Variants in MRPL30 observed in about 807,000 individuals in gnomAD.
The protein encoded by MRPL30 is large ribosomal subunit protein uL30m.
Under a neutral mutation model 17.2 loss-of-function variants are expected in MRPL30, and 10 were observed. That is an observed-to-expected ratio of 0.58 (90% CI 0.36 to 0.99). MRPL30 has a LOEUF of 0.99. Ranked by LOEUF, MRPL30 falls within the 50% of genes least tolerant of loss-of-function variation. The pLI is 0.01. For missense variants in MRPL30, 170 were observed against 189.8 expected (o/e 0.90, Z 0.61); for synonymous variants, 61 against 62.1 (o/e 0.98, Z 0.08).
Position 99,195,876 on chromosome 2 carries a change from G to A in MRPL30, c.*171G>A. 4 of 782,436 alleles carry A rather than the reference G, an allele frequency of 5.1e-6. No individual in the cohort carries two copies. Among genetic ancestry groups the A allele is most frequent in the Non-Finnish European group, 7.6e-6 (4 of 525,466 alleles). The allele number at this position is 782,436 out of a possible 1,614,324, so 48.5% of individuals were successfully genotyped here. On this transcript the variant is annotated 3_prime_UTR_variant, in exon 6 of 6. Transcript: ENST00000338148. Reference sequence around the variant, plus strand: ...GCGGGCAGATCACCTGAGGTCAAGAGTTCGAGACCAGCCTGACCAACATGG... The same window carrying A: ...GCGGGCAGATCACCTGAGGTCAAGAATTCGAGACCAGCCTGACCAACATGG...
rs762278718 is a variant in MRPL30 at position 99,195,722 on chromosome 2, G to A, written c.*17G>A. On this transcript the variant is annotated 3_prime_UTR_variant, in exon 6 of 6. Coordinates refer to ENST00000338148, the MANE Select transcript of MRPL30 (RefSeq NM_145212.4). ...GAGTCCTAATGCCCCAGCAGCTTCC[G>A]ATTGGAAAATGCAAATTGTTTTTAT... The A allele has an allele frequency of 1.1e-5, 17 of 1,607,362 alleles. No homozygotes were observed. The highest frequency in any genetic ancestry group is 5.4e-5 in the African/African-American group (4 of 74,358).
chr2:99,194,908 AT>A lies in MRPL30; in HGVS notation c.279+15del, dbSNP rs1244117080. 6.4e-7 allele frequency: 1 copy of A among 1,553,044 alleles called. No homozygotes were observed. Among genetic ancestry groups the A allele is most frequent in the East Asian group, 2.3e-5 (1 of 43,878 alleles). On this transcript the variant is annotated intron_variant, in intron 4 of 5. Coordinates refer to ENST00000338148, the MANE Select transcript of MRPL30 (RefSeq NM_145212.4). Reference sequence around the variant, plus strand: ...CTTGGATTAGAAAAAGTATGCAATTATTTTAATCATCTTTAGTGTTGTTTAC... The same window carrying A: ...CTTGGATTAGAAAAAGTATGCAATTATTTAATCATCTTTAGTGTTGTTTAC...
chr2:99,182,088 A>G (rs1257300486), intron 1 of MRPL30, among the ~76,000 whole-genome samples: 1 of 152,104 alleles, frequency 6.6e-6, no homozygotes, highest in Non-Finnish European at 1.5e-5. Flanking sequence ...TTTTCTGACA[A>G]CCTTCCAGAG....
At chr2:99,195,493 T>A in intron 5 of MRPL30, 80 bp from the exon 6 acceptor site, 2 of 1,444,544 alleles carry the variant, frequency 1.4e-6, no homozygotes, top group Non-Finnish European at 1.9e-6. Flanking sequence ...TATGTGTTAT[T>A]GTTAACTGTA....
chr2:99,191,413 A>G (rs182179069), intron 3 of MRPL30, among the ~76,000 whole-genome samples: 87 of 152,298 alleles, frequency 5.7e-4, no homozygotes, highest in African/African-American at 1.9e-3. Flanking sequence ...TCCAAAATTC[A>G]ACTCATCTTA....
intron 3 of MRPL30, among the ~76,000 whole-genome samples, chr2:99,189,109 GTCC>G (rs2093939526): frequency 6.6e-6 from 1 of 152,174 alleles, no homozygotes; most frequent in Admixed American, 6.5e-5. Context: ...CATATACAGT[GTCC>G]CCCACAACTG....
At position 99,197,509 on chromosome 2, in the gene MRPL30, TTC is replaced by T. The variant is rs1171624167; in HGVS notation, c.*1806_*1807del. ...TGGAGGGGAGCCAAAGGACACTAAC[TTC>T]TAAGAGCTCCGTCTAGTTGGAGAGA... On this transcript the variant is annotated 3_prime_UTR_variant, in exon 6 of 6. Coordinates refer to ENST00000338148, the MANE Select transcript of MRPL30 (RefSeq NM_145212.4). The T allele has an allele frequency of 3.3e-5, 5 of 152,254 alleles. No homozygotes were observed. The highest frequency in any genetic ancestry group is 6.5e-5 in the Admixed American group (1 of 15,278). The allele number at this position is 152,254 out of a possible 1,614,324, so 9.4% of individuals were successfully genotyped here. A position where few individuals can be genotyped will look rare whatever the true frequency, so the allele number is the denominator to read the frequency against.
intron 1 of MRPL30, among the ~76,000 whole-genome samples, chr2:99,182,918 A>C (rs964092922): frequency 6.6e-6 from 1 of 152,192 alleles, no homozygotes; most frequent in Non-Finnish European, 1.5e-5. Context: ...AACAAAACCT[A>C]ACAGATAATT....
intron 3 of MRPL30, among the ~76,000 whole-genome samples, chr2:99,190,698 T>G (rs1322747025): frequency 3.9e-5 from 6 of 152,216 alleles, no homozygotes; most frequent in Admixed American, 2.0e-4. Context: ...TTGGCATTCA[T>G]TTAAAATATG....
At chr2:99,184,412 T>A (rs371186520) in intron 1 of MRPL30, among the ~76,000 whole-genome samples, 29 of 152,286 alleles carry the variant, frequency 1.9e-4, no homozygotes, top group African/African-American at 6.7e-4. Context: ...CTGTAATTAC[T>A]TCTATATCCC....
At chr2:99,181,388 C>T (rs950666553) in intron 1 of MRPL30, 139 bp downstream of exon 1, 5 of 158,772 alleles carry the variant, frequency 3.1e-5, no homozygotes, top group African/African-American at 1.2e-4. Context: ...TGCCCCTGAT[C>T]CCGTCACATT....
At chr2:99,188,091 C>A in intron 2 of MRPL30, 86 bp from the exon 3 acceptor site, 1 of 986,628 alleles carries the variant, frequency 1.0e-6, no homozygotes. Flanking sequence ...TAGGTTGGAA[C>A]AGACTTCTGT....
chr2:99,188,501 T>C (rs1031031181), intron 3 of MRPL30, among the ~76,000 whole-genome samples: 2 of 152,192 alleles, frequency 1.3e-5, no homozygotes, highest in South Asian at 2.1e-4. Context: ...TTATTCCTGC[T>C]TGTGGTTTGT....
At chr2:99,182,152 A>C (rs1025251616) in intron 1 of MRPL30, among the ~76,000 whole-genome samples, 1 of 152,174 alleles carries the variant, frequency 6.6e-6, no homozygotes, top group African/African-American at 2.4e-5. Flanking sequence ...AAATGGGATC[A>C]TACTTCTCCT....
intron 2 of MRPL30, 107 bp downstream of exon 2, chr2:99,186,361 C>G (rs2093934107): frequency 1.0e-6 from 1 of 979,180 alleles, no homozygotes; most frequent in South Asian, 1.6e-5. Context: ...GAGACGAAGT[C>G]TCTCTCTGTC....
intron 4 of MRPL30, 88 bp downstream of exon 4, chr2:99,194,985 TA>T: frequency 7.3e-7 from 1 of 1,362,138 alleles, no homozygotes; most frequent in Non-Finnish European, 9.9e-7. Flanking sequence ...ATTTATTATT[TA>T]TTTTGTATTA....
intron 1 of MRPL30, 44 bp from the exon 2 acceptor site, chr2:99,186,133 C>T: frequency 7.2e-7 from 1 of 1,387,078 alleles, no homozygotes; most frequent in Non-Finnish European, 1.0e-6. Context: ...CTGTTCATTT[C>T]CAAGACATAG....
At chr2:99,193,482 CTT>C (rs1386861100) in intron 3 of MRPL30, among the ~76,000 whole-genome samples, 2 of 152,122 alleles carry the variant, frequency 1.3e-5, no homozygotes, top group African/African-American at 4.8e-5. Flanking sequence ...AGCTATGACT[CTT>C]GATCTAATGT....
Position 99,193,993 on chromosome 2 carries a change from G to A in MRPL30, c.133-758G>A, listed in dbSNP as rs530956108. Reference sequence around the variant, plus strand: ...GCAGAGGTTGCAGTGAGCCAAGATCGTGCCATTGCACTCCAGCCTGGGCGA... The same window carrying A: ...GCAGAGGTTGCAGTGAGCCAAGATCATGCCATTGCACTCCAGCCTGGGCGA... On this transcript the variant is annotated intron_variant, in intron 3 of 5. Coordinates refer to ENST00000338148, the MANE Select transcript of MRPL30 (RefSeq NM_145212.4). Among the ~76,000 whole-genome samples, 8 of 149,830 alleles carry A rather than the reference G, an allele frequency of 5.3e-5. No homozygotes were observed. In the East Asian group the frequency reaches 1.2e-3, roughly 22 times the overall value.
Sources: gnomAD v4.1 joint callset for allele counts (sites outside exome capture counted in the v4.1 genomes callset) on GRCh38, gnomAD v4.1.1 for gene constraint, MANE v1.5 for transcripts, NCBI Gene and HGNC (gene_info 2026-07-23, HGNC 2026-07-21) for gene names.